ARHGEF16: variants seen among roughly 807,000 people sequenced by gnomAD.
ARHGEF16 encodes Rho guanine exchange factor (GEF) 16.
In ARHGEF16, 59 loss-of-function variants were observed where a neutral mutation model predicts 74.1. The ratio of observed to expected loss-of-function variants is 0.80; its 90% CI spans 0.65 to 0.99. The LOEUF (loss-of-function observed/expected upper bound fraction) is 0.99. Among genes scored for constraint, ARHGEF16 ranks in the 50% least tolerant of loss-of-function variants. The pLI is 0.00. For missense variants in ARHGEF16, 948 were observed against 986.6 expected, an observed-to-expected ratio of 0.96 and a Z score of 0.52; for synonymous variants, 415 against 412.6, an observed-to-expected ratio of 1.01 and a Z score of -0.07.
rs904236790 is a variant in ARHGEF16 at position 3,478,044 on chromosome 1, G to A, written c.1625+18G>A. On this transcript the variant is annotated intron_variant, in intron 11 of 14. Transcript: ENST00000378378. Reference sequence around the variant, plus strand: ...AAGAAGAGGTGGCCTTAGGGCAGGAGGGTGTGGGGAGCCCCACTCCATGGA... The same window carrying A: ...AAGAAGAGGTGGCCTTAGGGCAGGAAGGTGTGGGGAGCCCCACTCCATGGA... 6.2e-7 allele frequency: 1 copy of A among 1,612,632 alleles called. No homozygotes were observed. Among genetic ancestry groups the A allele is most frequent in the Admixed American group, 1.7e-5 (1 of 60,030 alleles).
At chr1:3,468,704 A>C in intron 4 of ARHGEF16, 176 bp from the exon 5 acceptor site, 1 of 672,638 alleles carries the variant, frequency 1.5e-6, no homozygotes, top group Non-Finnish European at 2.6e-6. Context: ...ACAGAGAGGA[A>C]GGTGACGGGG....
chr1:3,470,373 T>TATCTGC (rs1214081263), intron 6 of ARHGEF16, among the ~76,000 whole-genome samples: 1 of 143,732 alleles, frequency 7.0e-6, no homozygotes. Flanking sequence ...TATGTGTGTG[T>TATCTGC]GTAGGTGTGC....
chr1:3,474,845 C>T, intron 9 of ARHGEF16, 63 bp downstream of exon 9: 1 of 1,401,616 alleles, frequency 7.1e-7, no homozygotes, highest in Admixed American at 1.9e-5. Flanking sequence ...CCCCACCCAA[C>T]CCCACCCTAC....
chr1:3,467,204 T>C lies in ARHGEF16; in HGVS notation c.671T>C (p.Leu224Pro). The change falls in exon 4 of 15, where the codon CTG becomes CCG. Residue 224 changes from leucine to proline, a missense_variant. Coordinates refer to ENST00000378378, the MANE Select transcript of ARHGEF16 (RefSeq NM_014448.4). ...QLYQEIQERGLNTSQESDDDI... is the reference protein window; with the variant it reads ...QLYQEIQERGPNTSQESDDDI... ...TACCAGGAGATCCAGGAGCGGGGCC[T>C]GAACACCAGCCAGGAGTCTGATGAC... 1 of 1,550,626 alleles carries C rather than the reference T, an allele frequency of 6.4e-7. No homozygotes were observed. The highest frequency in any genetic ancestry group is 8.7e-7 in the Non-Finnish European group (1 of 1,146,864).
chr1:3,479,419 C>G, intron 12 of ARHGEF16, 98 bp from the exon 13 acceptor site: 1 of 1,336,238 alleles, frequency 7.5e-7, no homozygotes. Context: ...ACCCCCATCT[C>G]CTTGCCACGG....
intron 1 of ARHGEF16, 91 bp from the exon 2 acceptor site, chr1:3,462,975 G>A (rs1461199034): frequency 2.6e-5 from 24 of 916,908 alleles, no homozygotes; most frequent in South Asian, 2.1e-4. Context: ...CTGGAGCCCC[G>A]GCCAGACATA....
In ARHGEF16 at chr1:3,469,763, T is replaced by A. The variant is rs1333480570; in HGVS notation, c.1022+170T>A. ...GGAGTGTGATGACCTCTGAGGGTCCTTGAGGCCACCAAGAGCTGGCCCCAG... is the reference window on the plus strand; with the variant it reads ...GGAGTGTGATGACCTCTGAGGGTCCATGAGGCCACCAAGAGCTGGCCCCAG... On this transcript the variant is annotated intron_variant, in intron 6 of 14. Coordinates refer to ENST00000378378, the MANE Select transcript of ARHGEF16 (RefSeq NM_014448.4). Among the ~76,000 whole-genome samples, 3 of 152,218 alleles carry A rather than the reference T, an allele frequency of 2.0e-5. No homozygotes were observed. In the East Asian group the frequency reaches 5.8e-4, roughly 29 times the overall value.
At chr1:3,473,632 G>A in intron 8 of ARHGEF16, 110 bp downstream of exon 8, 1 of 1,532,008 alleles carries the variant, frequency 6.5e-7, no homozygotes. Context: ...CTCCAGGCTT[G>A]GCCTATGATA....
At chr1:3,457,108 C>T (rs961162762) in intron 1 of ARHGEF16, among the ~76,000 whole-genome samples, 4 of 152,230 alleles carry the variant, frequency 2.6e-5, no homozygotes, top group African/African-American at 7.2e-5. Context: ...CAGTGAAGGC[C>T]GCAGAGCCAA....
At chr1:3,472,447 C>A (rs867747768) in intron 6 of ARHGEF16, among the ~76,000 whole-genome samples, 22 of 152,356 alleles carry the variant, frequency 1.4e-4, no homozygotes, top group East Asian at 3.9e-4. Flanking sequence ...CTGGCCCCCC[C>A]CCGGCCTTGA....
chr1:3,473,852 C>T (rs1218654468), intron 8 of ARHGEF16: 7 of 409,608 alleles, frequency 1.7e-5, no homozygotes, highest in Non-Finnish European at 3.1e-5. Flanking sequence ...CCCCACCCCA[C>T]CAGTCCTCCT....
At chr1:3,466,002 G>A (rs574350069) in intron 2 of ARHGEF16, 146 bp from the exon 3 acceptor site, 102 of 835,062 alleles carry the variant, frequency 1.2e-4, no homozygotes, top group South Asian at 1.2e-3. Flanking sequence ...TCTGCTTGGC[G>A]GCCGTGAGGC....
chr1:3,473,413 G>T lies in ARHGEF16; in HGVS notation c.1196G>T (p.Arg399Leu). Residue 399 changes from arginine (R) to leucine (L), a missense_variant, in exon 8 of 15, where the codon CGA (arginine) becomes CTA (leucine). By Grantham distance (102) the Arg-to-Leu change is moderately radical. Transcript: ENST00000378378. ...QKLISSNAAF[R>L]EALREIERRP... ...TGCAGAAGCAGCAACGCCGCCTTCCGAGAGGCCCTGAGAGAGATTGAGAGG... is the reference window on the plus strand; with the variant it reads ...TGCAGAAGCAGCAACGCCGCCTTCCTAGAGGCCCTGAGAGAGATTGAGAGG... The T allele has an allele frequency of 1.2e-6, 2 of 1,609,880 alleles. No individual in the cohort carries two copies. The highest frequency in any genetic ancestry group is 1.7e-6 in the Non-Finnish European group (2 of 1,177,980).
Position 3,454,710 on chromosome 1 carries a change from C to T in ARHGEF16, c.-121C>T, listed in dbSNP as rs999441732. On this transcript the variant is annotated 5_prime_UTR_variant, in exon 1 of 15. Transcript: ENST00000378378. ...GGAGGAGGCGCCCCGGGCCGGACCG[C>T]GCTGCCGCAGGAGCGAAGCGGCTGC... 6.6e-6 allele frequency: 1 copy of T among 152,064 alleles called. No individual in the cohort carries two copies. The allele number at this position is 152,064 out of a possible 1,614,324, so 9.4% of individuals were successfully genotyped here. A position where few individuals can be genotyped will look rare whatever the true frequency, so the allele number is the denominator to read the frequency against.
chr1:3,474,409 C>T, intron 8 of ARHGEF16: 1 of 388,086 alleles, frequency 2.6e-6, no homozygotes, highest in South Asian at 3.4e-5. Context: ...AGAAATGGGG[C>T]TGCCAGGGGG....
chr1:3,467,778 C>T (rs1375592360), intron 4 of ARHGEF16, among the ~76,000 whole-genome samples: 1 of 152,150 alleles, frequency 6.6e-6, no homozygotes. Context: ...CTGCAGGGGT[C>T]TCAGTGGAGA....
chr1:3,479,672 G>C, intron 13 of ARHGEF16, 82 bp downstream of exon 13: 1 of 1,572,230 alleles, frequency 6.4e-7, no homozygotes, highest in Non-Finnish European at 8.7e-7. Context: ...AGTGAGCCTG[G>C]CACCTGGCCT....
chr1:3,469,736 G>T, intron 6 of ARHGEF16, 143 bp downstream of exon 6: 2 of 1,199,258 alleles, frequency 1.7e-6, no homozygotes, highest in Non-Finnish European at 1.1e-6. Flanking sequence ...GCTGGCTCCC[G>T]CGGAGTGTGA....
At chr1:3,458,417 T>G (rs1332688275) in intron 1 of ARHGEF16, among the ~76,000 whole-genome samples, 13 of 151,856 alleles carry the variant, frequency 8.6e-5, no homozygotes, top group Admixed American at 2.0e-4. Flanking sequence ...CTGAAAGGAG[T>G]CTGCCCTCTC....
Sources: allele counts gnomAD v4.1 joint callset (sites outside exome capture counted in the v4.1 genomes callset), GRCh38; gene constraint gnomAD v4.1.1; transcripts MANE v1.5; gene names NCBI Gene and HGNC (gene_info 2026-07-23, HGNC 2026-07-21).